The following RALGAPA1 variants were observed in gnomAD, a reference collection of about 807,000 sequenced individuals.
RALGAPA1 encodes Ral GTPase activating protein catalytic subunit alpha 1, also known as ral GTPase-activating protein subunit alpha-1.
A neutral mutation model predicts 269.6 loss-of-function variants in RALGAPA1; 52 were observed. The observed-to-expected ratio is 0.19, with a 90% confidence interval of 0.15 to 0.24. The LOEUF is 0.24. Ranked by LOEUF, RALGAPA1 falls within the 10% of genes least tolerant of loss-of-function variation. The pLI, the probability that RALGAPA1 is intolerant of heterozygous loss-of-function variation, is 1.00. For missense variants in RALGAPA1, 1,917 were observed against 3,013.9 expected (o/e 0.64, Z 8.52); for synonymous variants, 817 against 1,008.3 (o/e 0.81, Z 3.60).
Position 35,688,882 on chromosome 14 carries a change from T to C in RALGAPA1, c.3529A>G (p.Arg1177Gly), listed in dbSNP as rs916237617. The C allele has an allele frequency of 7.8e-7, 1 of 1,277,182 alleles. No homozygotes were observed. The highest frequency in any genetic ancestry group is 9.9e-7 in the Non-Finnish European group (1 of 1,014,556). 79.1% of individuals were successfully genotyped at this position (1,277,182 alleles called of 1,614,324 possible). The change falls in exon 18 of 42, where the codon AGA (arginine) becomes GGA (glycine). Residue 1177 changes from arginine to glycine, a missense_variant. Transcript: ENST00000680220. ...CTAAAGCCACCGAGCTTCCGCAGTC[T>C]CATCTTCCATGGAGCCTCTTTGTTT... is the stretch of plus-strand genomic sequence containing the variant. ...LENKEAPWKM[R>G]LRKLGGFSSG...
At chr14:35,665,911 T>A (rs1055311373) in intron 26 of RALGAPA1, among the ~76,000 whole-genome samples, 3 of 152,124 alleles carry the variant, frequency 2.0e-5, no homozygotes, top group African/African-American at 7.2e-5. Context: ...TATTCTATTA[T>A]CTGCTTAAGG....
chr14:35,601,277 CCACT>C (rs2059278720), intron 36 of RALGAPA1, among the ~76,000 whole-genome samples: 1 of 152,198 alleles, frequency 6.6e-6, no homozygotes, highest in Non-Finnish European at 1.5e-5. Flanking sequence ...CATGTAGTCT[CCACT>C]GACTCTTGGG....
At chr14:35,802,750 T>G (rs945127194) in intron 1 of RALGAPA1, among the ~76,000 whole-genome samples, 3 of 151,166 alleles carry the variant, frequency 2.0e-5, no homozygotes, top group African/African-American at 7.3e-5. Context: ...GGTGCAATCA[T>G]GGCTCATTGC....
At chr14:35,751,936 T>G in intron 8 of RALGAPA1, 88 bp downstream of exon 8, 1 of 1,497,498 alleles carries the variant, frequency 6.7e-7, no homozygotes, top group Non-Finnish European at 8.9e-7. Context: ...ATATGATCAG[T>G]TTCCTGCAGT....
At chr14:35,656,203 C>G (rs1247931651) in intron 28 of RALGAPA1, among the ~76,000 whole-genome samples, 1 of 152,126 alleles carries the variant, frequency 6.6e-6, no homozygotes, top group Admixed American at 6.5e-5. Context: ...ACATTGCTAT[C>G]AAGCTTCCTA....
chr14:35,693,606 A>G (rs2066672043), intron 17 of RALGAPA1, among the ~76,000 whole-genome samples: 1 of 152,036 alleles, frequency 6.6e-6, no homozygotes, highest in Admixed American at 6.5e-5. Flanking sequence ...TATGCTTGAA[A>G]GTATAGTCTT....
rs368647084 is a variant in RALGAPA1 at position 35,627,909 on chromosome 14, C to T, written c.6038G>A (p.Arg2013His). The change falls in exon 34 of 42, where the codon CGC becomes CAC. Residue 2013 changes from arginine (R) to histidine (H), a missense_variant. Physicochemically the swap from Arg to His is conservative, Grantham distance 29. Around this residue, in one of 11 missense-constraint regions of RALGAPA1, gnomAD observed 346 missense variants for 566.1 expected, o/e 0.61. Coordinates refer to ENST00000680220, the MANE Select transcript of RALGAPA1 (RefSeq NM_001346249.2). ...ATTTACCAGATGTGTAATAACAGTGCGGGCTGCTATAGAGATTAATCCATG... is the reference window on the plus strand; with the variant it reads ...ATTTACCAGATGTGTAATAACAGTGTGGGCTGCTATAGAGATTAATCCATG... The part of the protein sequence containing the change: ...MQHGLISIAA[R>H]TVITHLVNHL... 324 of 1,552,742 alleles carry T rather than the reference C, an allele frequency of 2.1e-4. No homozygotes were observed. The highest frequency in any genetic ancestry group is 3.6e-4 in the South Asian group (29 of 80,214).
intron 22 of RALGAPA1, chr14:35,677,475 A>T (rs1188251408): frequency 1.3e-5 from 2 of 154,098 alleles, no homozygotes; most frequent in East Asian, 1.9e-4. Flanking sequence ...GAAAATATTC[A>T]TTTGGACCTC....
intron 39 of RALGAPA1, among the ~76,000 whole-genome samples, chr14:35,563,804 T>A (rs1317206324): frequency 1.3e-5 from 2 of 152,148 alleles, no homozygotes; most frequent in Non-Finnish European, 2.9e-5. Flanking sequence ...GGTAAAATCA[T>A]CTAATGCAAA....
At chr14:35,642,910 A>G (rs1228463237) in intron 31 of RALGAPA1, among the ~76,000 whole-genome samples, 1 of 152,210 alleles carries the variant, frequency 6.6e-6, no homozygotes, top group African/African-American at 2.4e-5. Flanking sequence ...ACTATTCACG[A>G]TAGCAAAGAC....
chr14:35,716,041 C>T (rs1861601064), intron 16 of RALGAPA1: 2 of 984,812 alleles, frequency 2.0e-6, no homozygotes, highest in African/African-American at 1.7e-5. Flanking sequence ...CATGTAATGA[C>T]TTTTTAAAAA....
At chr14:35,566,528 G>A (rs2056722170) in intron 39 of RALGAPA1, among the ~76,000 whole-genome samples, 1 of 151,930 alleles carries the variant, frequency 6.6e-6, no homozygotes, top group South Asian at 2.1e-4. Context: ...TTTCTTTTAT[G>A]AAGAGTAAAG....
chr14:35,661,460 CTA>C (rs1301067035), intron 27 of RALGAPA1, among the ~76,000 whole-genome samples: 1 of 151,960 alleles, frequency 6.6e-6, no homozygotes, highest in African/African-American at 2.4e-5. Context: ...CAAAATTAGT[CTA>C]TTAAGGAGTC....
chr14:35,553,185 C>T (rs2055188062), intron 39 of RALGAPA1, among the ~76,000 whole-genome samples: 2 of 152,180 alleles, frequency 1.3e-5, no homozygotes, highest in African/African-American at 2.4e-5. Flanking sequence ...TGACCTTTGG[C>T]TCACATCTTT....
At chr14:35,568,481 T>C (rs7160026) in intron 39 of RALGAPA1, among the ~76,000 whole-genome samples, 7,860 of 152,214 alleles carry the variant, frequency 0.052, 591 homozygotes, top group African/African-American at 0.16. Context: ...TCAGTAAGCA[T>C]CTTGTTTTGT....
intron 12 of RALGAPA1, among the ~76,000 whole-genome samples, chr14:35,733,431 C>T (rs1290041939): frequency 6.6e-6 from 1 of 152,052 alleles, no homozygotes; most frequent in Admixed American, 6.6e-5. Context: ...GAGTTGAGAT[C>T]GCACCACTGC....
At chr14:35,680,726 T>C (rs994573255) in intron 21 of RALGAPA1, among the ~76,000 whole-genome samples, 4 of 151,952 alleles carry the variant, frequency 2.6e-5, no homozygotes, top group Non-Finnish European at 4.4e-5. Context: ...ACTATTCTCC[T>C]GCCTCAGCCT....
At chr14:35,747,237 A>G (rs2072203315) in intron 10 of RALGAPA1, among the ~76,000 whole-genome samples, 1 of 152,226 alleles carries the variant, frequency 6.6e-6, no homozygotes, top group Admixed American at 6.5e-5. Flanking sequence ...TTCAGAGGTT[A>G]AAAGGATTAT....
intron 37 of RALGAPA1, among the ~76,000 whole-genome samples, chr14:35,576,950 A>G (rs74877443): frequency 0.041 from 6,230 of 152,258 alleles, 362 homozygotes; most frequent in African/African-American, 0.12. Context: ...TTAAGACCAC[A>G]TTTCTTCAAC....
Sources: gnomAD v4.1 joint callset for allele counts (sites outside exome capture counted in the v4.1 genomes callset) on GRCh38, gnomAD v4.1.1 for gene constraint, gnomAD v4.1.1 regional missense constraint, MANE v1.5 for transcripts, NCBI Gene and HGNC (gene_info 2026-07-23, HGNC 2026-07-21) for gene names.